GALNT17: variants seen among roughly 807,000 people sequenced by gnomAD.
GALNT17 encodes polypeptide N-acetylgalactosaminyltransferase 17, also known as UDP-GalNAc:polypeptide N-acetylgalactosaminyltransferase-like 3.
In GALNT17, 29 loss-of-function variants were observed where a neutral mutation model predicts 63.7. The observed-to-expected ratio is 0.46, with a 90% CI of 0.34 to 0.62. GALNT17 has a LOEUF of 0.62. Among genes scored for constraint, GALNT17 ranks in the 20% least tolerant of loss-of-function variants. The pLI, the probability that GALNT17 is intolerant of heterozygous loss-of-function variation, is 0.01. For missense variants in GALNT17, 603 were observed against 799.6 expected (o/e 0.75, Z 2.97); for synonymous variants, 305 against 318.3 (o/e 0.96, Z 0.45).
intron 1 of GALNT17, among the ~76,000 whole-genome samples, chr7:71,333,669 T>G (rs1791845930): frequency 6.6e-6 from 1 of 152,086 alleles, no homozygotes; most frequent in East Asian, 1.9e-4. Flanking sequence ...CTCGGCTAAT[T>G]TTTGTATTTT....
chr7:71,571,346 C>T lies in GALNT17; in HGVS notation c.1024C>T (p.Leu342Phe), dbSNP rs1282788075. The T allele has an allele frequency of 6.2e-7, 1 of 1,613,970 alleles. No homozygotes were observed. The highest frequency in any genetic ancestry group is 8.5e-7 in the Non-Finnish European group (1 of 1,179,988). Residue 342 changes from leucine (L) to phenylalanine (F), a missense_variant, in exon 6 of 11, where the codon CTT becomes TTT. Physicochemically the swap from Leu to Phe is conservative, Grantham distance 22. Coordinates refer to ENST00000333538, the MANE Select transcript of GALNT17 (RefSeq NM_022479.3). ...VNRKFFGEIG[L>F]LDPGMDVYGG... ...CAGGAAGTTCTTCGGTGAAATTGGT[C>T]TTCTGGATCCTGGCATGGATGTATA...
intron 5 of GALNT17, among the ~76,000 whole-genome samples, chr7:71,437,639 A>G (rs773325856): frequency 6.6e-6 from 1 of 152,150 alleles, no homozygotes; most frequent in African/African-American, 2.4e-5. Context: ...AGTGACTTCA[A>G]ATGTCAGCAG....
chr7:71,462,224 C>T (rs1171427953), intron 5 of GALNT17, among the ~76,000 whole-genome samples: 1 of 152,192 alleles, frequency 6.6e-6, no homozygotes, highest in Non-Finnish European at 1.5e-5. Context: ...CCCTTTCATC[C>T]TCTTTTCAAG....
At position 71,225,470 on chromosome 7, in the gene GALNT17, A is replaced by G. The variant is rs138173551; in HGVS notation, c.238+92430A>G. Among the ~76,000 whole-genome samples the G allele has an allele frequency of 3.5e-4, 54 of 152,250 alleles. No homozygotes were observed. The East Asian group carries it at 9.8e-3, about 28-fold the overall frequency. On this transcript the variant is annotated intron_variant, in intron 1 of 10. Coordinates refer to ENST00000333538, the MANE Select transcript of GALNT17 (RefSeq NM_022479.3). ...GCACGTTGCTTCTTTGACATCTGAG[A>G]TGTTTGAGGCTGGAAACTCACTGCC...
chr7:71,380,992 G>A (rs770966384), intron 2 of GALNT17, among the ~76,000 whole-genome samples: 1 of 151,084 alleles, frequency 6.6e-6, no homozygotes, highest in Non-Finnish European at 1.5e-5. Flanking sequence ...ACAGGATCTC[G>A]CTCCGTCACC....
At chr7:71,376,915 G>A (rs1039785297) in intron 2 of GALNT17, among the ~76,000 whole-genome samples, 2 of 150,438 alleles carry the variant, frequency 1.3e-5, no homozygotes, top group Admixed American at 6.7e-5. Flanking sequence ...GTGAAACCCC[G>A]TCTCTACTAA....
At chr7:71,640,248 G>A (rs1790585181) in intron 6 of GALNT17, among the ~76,000 whole-genome samples, 1 of 152,048 alleles carries the variant, frequency 6.6e-6, no homozygotes, top group Non-Finnish European at 1.5e-5. Context: ...GCACCTCTTT[G>A]GTTCGATTTT....
intron 5 of GALNT17, among the ~76,000 whole-genome samples, chr7:71,463,680 A>G (rs912930865): frequency 8.5e-5 from 13 of 152,198 alleles, no homozygotes; most frequent in African/African-American, 2.9e-4. Flanking sequence ...GGGGTAGGCA[A>G]TTCCCAGAAC....
At chr7:71,707,253 G>A (rs535187142) in intron 9 of GALNT17, among the ~76,000 whole-genome samples, 8 of 152,184 alleles carry the variant, frequency 5.3e-5, no homozygotes, top group South Asian at 2.1e-4. Flanking sequence ...CCCCAAACAC[G>A]TTTTGAGCAC....
chr7:71,231,114 T>C (rs942731506), intron 1 of GALNT17, among the ~76,000 whole-genome samples: 1 of 152,202 alleles, frequency 6.6e-6, no homozygotes, highest in African/African-American at 2.4e-5. Context: ...TTATTCCTCT[T>C]TTTCTTAAGG....
chr7:71,582,243 G>T (rs184596185), intron 6 of GALNT17, among the ~76,000 whole-genome samples: 23 of 152,064 alleles, frequency 1.5e-4, no homozygotes, highest in Admixed American at 3.3e-4. Flanking sequence ...CAAAAATGTG[G>T]AACCAACCCA....
intron 1 of GALNT17, among the ~76,000 whole-genome samples, chr7:71,302,960 G>A (rs1222380346): frequency 6.6e-6 from 1 of 152,048 alleles, no homozygotes; most frequent in Non-Finnish European, 1.5e-5. Context: ...CACCTCCTGG[G>A]TTCAAGCAAT....
At chr7:71,532,528 G>T (rs944650850) in intron 5 of GALNT17, among the ~76,000 whole-genome samples, 1 of 152,214 alleles carries the variant, frequency 6.6e-6, no homozygotes, top group Non-Finnish European at 1.5e-5. Context: ...TGACACGGAT[G>T]TAAGTGACCA....
At chr7:71,249,344 C>A (rs1049748169) in intron 1 of GALNT17, among the ~76,000 whole-genome samples, 1 of 152,012 alleles carries the variant, frequency 6.6e-6, no homozygotes, top group South Asian at 2.1e-4. Flanking sequence ...TGTCAGTGGT[C>A]CCCCCATTTT....
At chr7:71,361,365 A>C (rs905110056) in intron 2 of GALNT17, among the ~76,000 whole-genome samples, 2 of 152,288 alleles carry the variant, frequency 1.3e-5, no homozygotes, top group East Asian at 3.9e-4. Context: ...TTCTCATGGG[A>C]AGTTTTAGCA....
chr7:71,639,594 G>T lies in GALNT17; in HGVS notation c.1081-25817G>T, dbSNP rs114086939. On this transcript the variant is annotated intron_variant, in intron 6 of 10. Transcript: ENST00000333538. Reference sequence around the variant, plus strand: ...TCCCTGCTACCTCTGCCATGGAGATGAATAATTGTGAACGGCCCGGGAAAC... The same window carrying T: ...TCCCTGCTACCTCTGCCATGGAGATTAATAATTGTGAACGGCCCGGGAAAC... Among the ~76,000 whole-genome samples the T allele has an allele frequency of 7.3e-3, 1,119 of 152,310 alleles. 14 individuals carry two copies. The highest frequency in any genetic ancestry group is 0.02 in the Middle Eastern group (6 of 294).
intron 5 of GALNT17, among the ~76,000 whole-genome samples, chr7:71,463,262 T>C: frequency 6.6e-6 from 1 of 152,224 alleles, no homozygotes; most frequent in Non-Finnish European, 1.5e-5. Flanking sequence ...CGTAGGATTC[T>C]AACATCAGAG....
chr7:71,331,375 G>A (rs978085723), intron 1 of GALNT17, among the ~76,000 whole-genome samples: 3 of 152,058 alleles, frequency 2.0e-5, no homozygotes, highest in East Asian at 1.9e-4. Context: ...TCAGAGCCCG[G>A]CCTTTATCCT....
chr7:71,356,715 C>G (rs1030212306), intron 2 of GALNT17, among the ~76,000 whole-genome samples: 1 of 152,156 alleles, frequency 6.6e-6, no homozygotes, highest in South Asian at 2.1e-4. Context: ...CCGCCTCCAA[C>G]TTTGGGAATC....
Sources: gnomAD v4.1 joint callset for allele counts (sites outside exome capture counted in the v4.1 genomes callset) on GRCh38, gnomAD v4.1.1 for gene constraint, MANE v1.5 for transcripts, NCBI Gene and HGNC (gene_info 2026-07-23, HGNC 2026-07-21) for gene names.